The following CAST variants were observed in gnomAD, a reference collection of about 807,000 sequenced individuals.
The protein encoded by CAST is calpastatin.
Under a neutral mutation model 119.6 loss-of-function variants are expected in CAST, and 76 were observed. The observed-to-expected ratio is 0.64, with a 90% CI of 0.53 to 0.77. The LOEUF is 0.77. Ranked by LOEUF, CAST falls within the 30% of genes least tolerant of loss-of-function variation. The probability of loss-of-function intolerance (pLI) is 0.00; values close to 1 mark genes in which losing one functional copy is unlikely to be tolerated. For missense variants in CAST, 953 were observed against 946.5 expected (o/e 1.01, Z -0.09); for synonymous variants, 319 against 331.6 (o/e 0.96, Z 0.41).
chr5:96,609,435 A>C (rs1747319771), intron 1 of CAST, among the ~76,000 whole-genome samples: 1 of 152,236 alleles, frequency 6.6e-6, no homozygotes, highest in South Asian at 2.1e-4. Flanking sequence ...CTTAACATGT[A>C]CACAAATCAC....
chr5:96,570,964 A>G (rs1226256855), intron 1 of CAST, among the ~76,000 whole-genome samples: 1 of 152,202 alleles, frequency 6.6e-6, no homozygotes, highest in Non-Finnish European at 1.5e-5. Flanking sequence ...GAACACTGTT[A>G]TGAATTTGGG....
the CAST span, among the ~76,000 whole-genome samples, chr5:96,047,227 C>A: frequency 6.6e-6 from 1 of 152,132 alleles, no homozygotes; most frequent in Non-Finnish European, 1.5e-5. Context: ...ATCATCATTT[C>A]TTATTCATAT....
At chr5:96,375,549 G>A in the CAST span, among the ~76,000 whole-genome samples, 5 of 151,952 alleles carry the variant, frequency 3.3e-5, no homozygotes, top group African/African-American at 1.2e-4. Flanking sequence ...ATTCTCCTGT[G>A]ATGATTAATT....
chr5:96,144,525 A>AAGACATTT, the CAST span, among the ~76,000 whole-genome samples: 2 of 152,210 alleles, frequency 1.3e-5, no homozygotes, highest in Non-Finnish European at 2.9e-5. Flanking sequence ...AAGCACCTTT[A>AAGACATTT]AGACATTTAG....
At chr5:96,667,998 G>C (rs1369346126) in intron 1 of CAST, among the ~76,000 whole-genome samples, 1 of 152,204 alleles carries the variant, frequency 6.6e-6, no homozygotes, top group Non-Finnish European at 1.5e-5. Context: ...CCGGGCGACA[G>C]AGCAAGACTC....
the CAST span, among the ~76,000 whole-genome samples, chr5:96,066,173 T>C: frequency 3.3e-5 from 5 of 152,292 alleles, no homozygotes; most frequent in South Asian, 1.0e-3. Context: ...TGCAAGCCAG[T>C]ACTTTGGAGA....
intron 1 of CAST, among the ~76,000 whole-genome samples, chr5:96,664,414 TGCACACAC>T (rs1036041630): frequency 4.3e-5 from 6 of 140,294 alleles, no homozygotes; most frequent in African/African-American, 1.8e-4. Flanking sequence ...TATATATATA[TGCACACAC>T]ACACACACAT....
chr5:96,675,943 T>A, intron 2 of CAST: 1 of 186,670 alleles, frequency 5.4e-6, no homozygotes, highest in Non-Finnish European at 1.1e-5. Flanking sequence ...AAGGAAAATC[T>A]TTTTTTATGA....
Position 96,695,851 on chromosome 5 carries a change from C to G in CAST, c.154C>G (p.Leu52Val). The G allele has an allele frequency of 6.2e-7, 1 of 1,612,412 alleles. No homozygotes were observed. The highest frequency in any genetic ancestry group is 8.5e-7 in the Non-Finnish European group (1 of 1,178,842). ...KGSDEKKAAS[L>V]GSSQSSRTYA... ...TATTTTCAAGAAAAAAGCAGCAAGC[C>G]TCGGCAGCAGTCAATCCTCCAGAAC... Residue 52 changes from leucine (L) to valine (V), a missense_variant, in exon 3 of 32, where the codon CTC (leucine) becomes GTC (valine). Physicochemically the swap from Leu to Val is conservative, Grantham distance 32. Coordinates refer to ENST00000675179, the MANE Select transcript of CAST (RefSeq NM_001750.7).
intron 10 of CAST, among the ~76,000 whole-genome samples, chr5:96,736,451 T>TA (rs1217357659): frequency 7.1e-6 from 1 of 141,376 alleles, no homozygotes; most frequent in Non-Finnish European, 1.6e-5. Flanking sequence ...AACCCCTTTT[T>TA]TAAAAAAAAA....
chr5:96,153,067 T>C, the CAST span, among the ~76,000 whole-genome samples: 1 of 152,266 alleles, frequency 6.6e-6, no homozygotes, highest in African/African-American at 2.4e-5. Context: ...TCTTTGGTAC[T>C]CAATTAAAAG....
chr5:96,640,086 T>C (rs1747932627), intron 1 of CAST, among the ~76,000 whole-genome samples: 1 of 152,220 alleles, frequency 6.6e-6, no homozygotes, highest in African/African-American at 2.4e-5. Flanking sequence ...TTTTTTCTCA[T>C]GTGACATGCA....
chr5:96,183,149 A>G, the CAST span, among the ~76,000 whole-genome samples: 1 of 113,176 alleles, frequency 8.8e-6, no homozygotes, highest in Non-Finnish European at 1.8e-5. Context: ...TCAAAAGAAA[A>G]AAAATAAATA....
At chr5:96,415,958 C>T in the CAST span, 1 of 918,402 alleles carries the variant, frequency 1.1e-6, no homozygotes, top group East Asian at 2.4e-5. Flanking sequence ...AGAAAAGCTC[C>T]CCTCCCCCAT....
At chr5:96,297,414 G>C in the CAST span, among the ~76,000 whole-genome samples, 1 of 152,220 alleles carries the variant, frequency 6.6e-6, no homozygotes, top group Non-Finnish European at 1.5e-5. Context: ...GTAGCAGTGT[G>C]TGTGTCTGGT....
At chr5:96,231,724 G>A in the CAST span, among the ~76,000 whole-genome samples, 2 of 151,792 alleles carry the variant, frequency 1.3e-5, no homozygotes, top group East Asian at 1.9e-4. Flanking sequence ...ATACTTTATT[G>A]TTTATTATCT....
intron 4 of CAST, among the ~76,000 whole-genome samples, chr5:96,724,141 GTC>G (rs1758805180): frequency 6.6e-6 from 1 of 151,960 alleles, no homozygotes; most frequent in Admixed American, 6.6e-5. Flanking sequence ...AATGTTAGCT[GTC>G]TCTATTTAAT....
At chr5:96,035,464 G>A in the CAST span, among the ~76,000 whole-genome samples, 8 of 151,826 alleles carry the variant, frequency 5.3e-5, no homozygotes, top group Non-Finnish European at 1.0e-4. Flanking sequence ...CAAAGCAAAG[G>A]TTCTGACCTA....
chr5:96,753,322 A>G (rs1765561910), intron 20 of CAST, among the ~76,000 whole-genome samples: 1 of 152,148 alleles, frequency 6.6e-6, no homozygotes, highest in African/African-American at 2.4e-5. Flanking sequence ...TTAAAAAAGA[A>G]AAGTCCTGGC....
Sources: gnomAD v4.1 joint callset for allele counts (sites outside exome capture counted in the v4.1 genomes callset) on GRCh38, gnomAD v4.1.1 for gene constraint, MANE v1.5 for transcripts, NCBI Gene and HGNC (gene_info 2026-07-23, HGNC 2026-07-21) for gene names.